The following DLG2 variants were observed in gnomAD, a reference collection of about 807,000 sequenced individuals.
DLG2 encodes disks large homolog 2.
In DLG2, 45 loss-of-function variants were observed where a neutral mutation model predicts 132.5. The ratio of observed to expected loss-of-function variants is 0.34; its 90% CI spans 0.27 to 0.44. DLG2 has a LOEUF of 0.44. Ranked by LOEUF, DLG2 falls within the 20% of genes least tolerant of loss-of-function variation. The probability of loss-of-function intolerance (pLI) is 1.00; values close to 1 mark genes in which losing one functional copy is unlikely to be tolerated. For missense variants in DLG2, 1,045 were observed against 1,196.9 expected, an observed-to-expected ratio of 0.87 and a Z score of 1.87; for synonymous variants, 424 against 419.6, an observed-to-expected ratio of 1.01 and a Z score of -0.13.
At chr11:83,484,639 G>A (rs546283662) in intron 21 of DLG2, among the ~76,000 whole-genome samples, 1 of 152,236 alleles carries the variant, frequency 6.6e-6, no homozygotes, top group African/African-American at 2.4e-5. Flanking sequence ...TACGTTGTGA[G>A]ACTCACAAAA....
chr11:84,467,459 G>T (rs1000558322), intron 7 of DLG2, among the ~76,000 whole-genome samples: 12 of 151,260 alleles, frequency 7.9e-5, no homozygotes, highest in African/African-American at 2.2e-4. Context: ...GTGGCAAAAC[G>T]CTAATAATTG....
chr11:83,913,072 G>A (rs1175779107), intron 15 of DLG2, among the ~76,000 whole-genome samples: 2 of 152,088 alleles, frequency 1.3e-5, no homozygotes, highest in Non-Finnish European at 2.9e-5. Context: ...CAATCTGTGT[G>A]TTTGTGTGTG....
At chr11:84,832,104 G>A (rs1317882249) in intron 6 of DLG2, among the ~76,000 whole-genome samples, 3 of 151,618 alleles carry the variant, frequency 2.0e-5, no homozygotes, top group Admixed American at 6.6e-5. Context: ...TACATGAAGA[G>A]GAATTCTGGA....
At chr11:85,128,616 C>A (rs967739383) in intron 5 of DLG2, among the ~76,000 whole-genome samples, 1 of 152,144 alleles carries the variant, frequency 6.6e-6, no homozygotes, top group Admixed American at 6.5e-5. Flanking sequence ...ATTCTGCCTG[C>A]GATCCAGAAC....
intron 6 of DLG2, among the ~76,000 whole-genome samples, chr11:84,756,949 A>G (rs1430262969): frequency 6.6e-6 from 1 of 152,194 alleles, no homozygotes; most frequent in Non-Finnish European, 1.5e-5. Context: ...TGGGTGGAAG[A>G]GGCATCAGCC....
chr11:83,811,118 G>C (rs1466912576), intron 17 of DLG2, among the ~76,000 whole-genome samples: 3 of 152,096 alleles, frequency 2.0e-5, no homozygotes, highest in African/African-American at 7.2e-5. Flanking sequence ...CATCTATTAA[G>C]TGATGATAGG....
At chr11:85,403,285 GAAC>G (rs1272691943) in intron 3 of DLG2, among the ~76,000 whole-genome samples, 3 of 151,954 alleles carry the variant, frequency 2.0e-5, no homozygotes, top group South Asian at 4.1e-4. Flanking sequence ...AGGTGGAGTT[GAAC>G]AACAAGAACG....
chr11:85,108,222 G>A (rs2072127226), intron 6 of DLG2, among the ~76,000 whole-genome samples: 1 of 152,002 alleles, frequency 6.6e-6, no homozygotes, highest in Non-Finnish European at 1.5e-5. Flanking sequence ...GCCTAATTAT[G>A]AGGATACAAT....
At chr11:83,508,054 A>T (rs540051856) in intron 21 of DLG2, among the ~76,000 whole-genome samples, 1 of 151,948 alleles carries the variant, frequency 6.6e-6, no homozygotes, top group South Asian at 2.1e-4. Context: ...GTACCCACCC[A>T]GATTAAGGGT....
intron 6 of DLG2, among the ~76,000 whole-genome samples, chr11:84,991,009 C>T (rs993285898): frequency 6.6e-6 from 1 of 152,128 alleles, no homozygotes; most frequent in Non-Finnish European, 1.5e-5. Context: ...TACAGTATAT[C>T]CACACCATGG....
chr11:85,531,496 C>T (rs1212442825), intron 3 of DLG2, among the ~76,000 whole-genome samples: 1 of 152,118 alleles, frequency 6.6e-6, no homozygotes, highest in African/African-American at 2.4e-5. Context: ...AAAATTAGAG[C>T]CTCTCATCCA....
chr11:83,921,850 A>T (rs1725244738), intron 15 of DLG2, among the ~76,000 whole-genome samples: 1 of 91,532 alleles, frequency 1.1e-5, no homozygotes, highest in African/African-American at 5.3e-5. Flanking sequence ...CTCACTTTTA[A>T]CTTTTTTTTA....
At chr11:84,584,699 T>A (rs998200016) in intron 6 of DLG2, among the ~76,000 whole-genome samples, 2 of 97,178 alleles carry the variant, frequency 2.1e-5, no homozygotes, top group Non-Finnish European at 4.2e-5. Flanking sequence ...TTTTTTTTTT[T>A]TTTTTTTGAG....
chr11:84,781,536 A>C (rs1437051044), intron 6 of DLG2, among the ~76,000 whole-genome samples: 1 of 151,738 alleles, frequency 6.6e-6, no homozygotes, highest in Non-Finnish European at 1.5e-5. Flanking sequence ...TAATAATATA[A>C]TAATAATAAT....
intron 6 of DLG2, among the ~76,000 whole-genome samples, chr11:84,823,821 A>G (rs1007472087): frequency 9.2e-5 from 14 of 151,872 alleles, no homozygotes; most frequent in Admixed American, 2.0e-4. Flanking sequence ...ACTCAATGAT[A>G]TTTGCTGAAT....
chr11:85,155,090 C>G (rs1398379188), intron 4 of DLG2, among the ~76,000 whole-genome samples: 1 of 152,180 alleles, frequency 6.6e-6, no homozygotes, highest in East Asian at 1.9e-4. Flanking sequence ...CTTTTTATAA[C>G]TACAGCTTTA....
At chr11:85,060,605 C>G (rs2063997340) in intron 6 of DLG2, among the ~76,000 whole-genome samples, 1 of 151,510 alleles carries the variant, frequency 6.6e-6, no homozygotes, top group African/African-American at 2.4e-5. Context: ...TTGTTTCTAC[C>G]TCATAGATAT....
intron 5 of DLG2, among the ~76,000 whole-genome samples, chr11:85,138,416 T>C (rs2076256868): frequency 6.6e-6 from 1 of 152,172 alleles, no homozygotes; most frequent in Non-Finnish European, 1.5e-5. Context: ...GAAATCCAAA[T>C]AGTTGTGTGC....
intron 3 of DLG2, among the ~76,000 whole-genome samples, chr11:85,374,389 T>A (rs1314552511): frequency 1.3e-5 from 2 of 152,180 alleles, no homozygotes; most frequent in Admixed American, 1.3e-4. Flanking sequence ...TGATCAAAGC[T>A]TTAAAGAAAG....
Sources: gnomAD v4.1 joint callset for allele counts (sites outside exome capture counted in the v4.1 genomes callset) on GRCh38, gnomAD v4.1.1 for gene constraint, MANE v1.5 for transcripts, NCBI Gene and HGNC (gene_info 2026-07-23, HGNC 2026-07-21) for gene names.